The following SLC14A2 variants were observed in gnomAD, a reference collection of about 807,000 sequenced individuals.
The protein encoded by SLC14A2 is urea transporter 2.
In SLC14A2, 91 loss-of-function variants were observed where a neutral mutation model predicts 104.6. The observed-to-expected ratio is 0.87, with a 90% CI of 0.73 to 1.04. The LOEUF is 1.04. Among genes scored for constraint, SLC14A2 ranks in the 50% least tolerant of loss-of-function variants. SLC14A2 has a pLI of 0.00. For synonymous variants in SLC14A2, 476 were observed against 466.4 expected, an observed-to-expected ratio of 1.02 and a Z score of -0.27; for missense variants, 1,189 against 1,156.0, an observed-to-expected ratio of 1.03 and a Z score of -0.41.
intron 1 of SLC14A2, among the ~76,000 whole-genome samples, chr18:45,433,975 C>T (rs1248301290): frequency 2.0e-5 from 3 of 152,210 alleles, no homozygotes; most frequent in Non-Finnish European, 4.4e-5. Context: ...AATACTTACT[C>T]AGGGCTCCTG....
chr18:45,339,843 G>A (rs182642212), intron 1 of SLC14A2, among the ~76,000 whole-genome samples: 2 of 152,346 alleles, frequency 1.3e-5, no homozygotes, highest in Admixed American at 6.5e-5. Flanking sequence ...ACTTCAGAGA[G>A]CAAAAGGATG....
intron 1 of SLC14A2, among the ~76,000 whole-genome samples, chr18:45,221,913 A>T (rs150546874): frequency 3.3e-5 from 5 of 152,240 alleles, no homozygotes; most frequent in Admixed American, 6.5e-5. Context: ...AAAGTTGAGG[A>T]TGGAGAGTAC....
At chr18:45,407,862 C>A (rs1257170497) in intron 1 of SLC14A2, among the ~76,000 whole-genome samples, 1 of 152,132 alleles carries the variant, frequency 6.6e-6, no homozygotes, top group Non-Finnish European at 1.5e-5. Flanking sequence ...CACTTCCAAA[C>A]AATTACAACA....
chr18:45,392,445 A>C (rs1185252536), intron 1 of SLC14A2, among the ~76,000 whole-genome samples: 3 of 152,238 alleles, frequency 2.0e-5, no homozygotes, highest in African/African-American at 7.2e-5. Context: ...TAATCAGTGC[A>C]CATAATATTC....
At chr18:45,361,735 C>T (rs754328127) in intron 1 of SLC14A2, among the ~76,000 whole-genome samples, 17 of 152,260 alleles carry the variant, frequency 1.1e-4, no homozygotes, top group Admixed American at 2.0e-4. Context: ...CTCGGCTTCT[C>T]GGCTTCTCCC....
chr18:45,513,449 T>A (rs1012974579), intron 2 of SLC14A2, among the ~76,000 whole-genome samples: 3 of 152,218 alleles, frequency 2.0e-5, no homozygotes, highest in African/African-American at 7.2e-5. Flanking sequence ...TTTTTAATGC[T>A]ACTTACATTG....
chr18:45,650,252 G>C (rs553631366), intron 10 of SLC14A2, among the ~76,000 whole-genome samples: 15 of 152,064 alleles, frequency 9.9e-5, no homozygotes, highest in Admixed American at 7.2e-4. Context: ...AATTTTTTTA[G>C]TTTAAAAATC....
chr18:45,180,480 T>C, the SLC14A2 span, among the ~76,000 whole-genome samples: 19,253 of 152,212 alleles, frequency 0.13, 1,334 homozygotes, highest in African/African-American at 0.19. Flanking sequence ...CACTTAAACA[T>C]AGAATTAAAA....
chr18:45,407,266 A>G (rs1426631990), intron 1 of SLC14A2, among the ~76,000 whole-genome samples: 2 of 152,190 alleles, frequency 1.3e-5, no homozygotes, highest in Non-Finnish European at 1.5e-5. Flanking sequence ...CTTTAATACT[A>G]TGGAGACAGT....
chr18:45,361,801 A>G (rs1033101209), intron 1 of SLC14A2, among the ~76,000 whole-genome samples: 2 of 150,872 alleles, frequency 1.3e-5, no homozygotes, highest in Non-Finnish European at 3.0e-5. Flanking sequence ...TCTTGCAGTA[A>G]TTTTTTTTTT....
At chr18:45,664,035 C>A in intron 11 of SLC14A2, 128 bp downstream of exon 11, 2 of 980,654 alleles carry the variant, frequency 2.0e-6, no homozygotes, top group Non-Finnish European at 2.9e-6. Context: ...ACCTCTCACA[C>A]CTGACGTCTG....
At position 45,337,328 on chromosome 18, in the gene SLC14A2, G is replaced by C. The variant is rs141632815; in HGVS notation, c.-125+124137G>C. 1.6e-4 allele frequency among the ~76,000 whole-genome samples: 25 copies of C among 152,252 alleles called. No individual in the cohort carries two copies. In the East Asian group the frequency reaches 4.2e-3, roughly 26 times the overall value. On this transcript the variant is annotated intron_variant, in intron 1 of 20. Coordinates refer to the SLC14A2 transcript ENST00000586448. ...GATACTGGTTGCCTCAGAAGTAAAA[G>C]GTAGAAGAGGGATAAATGCCAGTTT... is the stretch of plus-strand genomic sequence containing the variant.
chr18:45,417,938 C>A (rs1399868405), intron 1 of SLC14A2, among the ~76,000 whole-genome samples: 1 of 152,082 alleles, frequency 6.6e-6, no homozygotes, highest in Non-Finnish European at 1.5e-5. Flanking sequence ...ATAAGAGGAA[C>A]CTGTAGTCAT....
intron 1 of SLC14A2, among the ~76,000 whole-genome samples, chr18:45,293,911 A>C (rs2084895649): frequency 6.6e-6 from 1 of 152,228 alleles, no homozygotes; most frequent in African/African-American, 2.4e-5. Flanking sequence ...GAAATTCTAC[A>C]ATATCCATAT....
chr18:45,237,517 G>A (rs1248085548), intron 1 of SLC14A2, among the ~76,000 whole-genome samples: 1 of 152,120 alleles, frequency 6.6e-6, no homozygotes, highest in Non-Finnish European at 1.5e-5. Context: ...CTTTAACTAC[G>A]CTCCCCATTC....
intron 1 of SLC14A2, among the ~76,000 whole-genome samples, chr18:45,356,003 C>T (rs1044512778): frequency 6.6e-6 from 1 of 152,176 alleles, no homozygotes; most frequent in South Asian, 2.1e-4. Context: ...GGTTGGGGAA[C>T]AGTCCAGGAC....
chr18:45,644,054 C>T lies in SLC14A2; in HGVS notation c.1245C>T (p.Asn415=), dbSNP rs1186527711. 3 of 1,614,218 alleles carry T rather than the reference C, an allele frequency of 1.9e-6. No individual in the cohort carries two copies. Residue 415 remains asparagine, a synonymous_variant, in exon 10 of 20, where the codon AAC becomes AAT. Transcript: ENST00000255226. ...ATIIFLLLTT[N]NPAIFRLPLS... The stretch of plus-strand genomic sequence containing the variant: ...TCATCTTCCTGCTCCTGACGACAAA[C>T]AACCCAGCCATCTTCAGACTCCCAC...
chr18:45,494,824 C>G (rs1439181350), intron 2 of SLC14A2, among the ~76,000 whole-genome samples: 1 of 152,004 alleles, frequency 6.6e-6, no homozygotes, highest in African/African-American at 2.4e-5. Context: ...TTAGTCTACA[C>G]TTTGTTTCGA....
chr18:45,265,681 A>G (rs1472897785), intron 1 of SLC14A2, among the ~76,000 whole-genome samples: 1 of 152,208 alleles, frequency 6.6e-6, no homozygotes, highest in Non-Finnish European at 1.5e-5. Context: ...TTTGGCCATC[A>G]TTTAGTATTC....
Sources: allele counts gnomAD v4.1 joint callset (sites outside exome capture counted in the v4.1 genomes callset), GRCh38; gene constraint gnomAD v4.1.1; transcripts MANE v1.5; gene names NCBI Gene and HGNC (gene_info 2026-07-23, HGNC 2026-07-21).